The following TTC21B variants were observed in gnomAD, a reference collection of about 807,000 sequenced individuals.
TTC21B encodes the protein tetratricopeptide repeat domain 21B.
In TTC21B, 127 loss-of-function variants were observed where a neutral mutation model predicts 175.1. That is an observed-to-expected ratio of 0.73 (90% CI 0.63 to 0.84). The LOEUF (loss-of-function observed/expected upper bound fraction) is 0.84, where lower values mean the gene tolerates loss of function less well. Ranked by LOEUF, TTC21B falls within the 40% of genes least tolerant of loss-of-function variation. The pLI is 0.00. For missense variants in TTC21B, 1,561 were observed against 1,558.3 expected, an observed-to-expected ratio of 1.00 and a Z score of -0.03; for synonymous variants, 524 against 524.5, an observed-to-expected ratio of 1.00 and a Z score of 0.01.
At chr2:165,918,945 C>T (rs964977222) in intron 13 of TTC21B, among the ~76,000 whole-genome samples, 1 of 152,070 alleles carries the variant, frequency 6.6e-6, no homozygotes, top group African/African-American at 2.4e-5. Flanking sequence ...ACATAAGGAT[C>T]ATCATTTTTA....
rs111971431 is a variant in TTC21B at position 165,901,966 on chromosome 2, G to A, written c.2569-56C>T. On this transcript the variant is annotated intron_variant, in intron 19 of 28. Coordinates refer to ENST00000243344, the MANE Select transcript of TTC21B (RefSeq NM_024753.5). Reference sequence around the variant, plus strand: ...AAAAAAAAAGGAAATTAAATTCTCCGTAACTCACACACAGCATAATTTTAC... The same window carrying A: ...AAAAAAAAAGGAAATTAAATTCTCCATAACTCACACACAGCATAATTTTAC... 3,655 of 1,406,530 alleles carry A rather than the reference G, an allele frequency of 2.6e-3. 83 individuals are homozygous for A. In the African/African-American group the frequency reaches 0.044, roughly 17 times the overall value. The allele number at this position is 1,406,530 out of a possible 1,614,324, so 87.1% of individuals were successfully genotyped here. A position where few individuals can be genotyped will look rare whatever the true frequency, so the allele number is the denominator to read the frequency against.
intron 6 of TTC21B, among the ~76,000 whole-genome samples, chr2:165,934,515 A>AG (rs1559069648): frequency 1.4e-5 from 2 of 147,388 alleles, no homozygotes; most frequent in African/African-American, 4.9e-5. Context: ...AAAAAAAAAA[A>AG]AAAAAAGAAA....
chr2:165,878,323 T>C lies in TTC21B; in HGVS notation c.3806-2091A>G, dbSNP rs118017501. Among the ~76,000 whole-genome samples the C allele has an allele frequency of 3.8e-3, 584 of 152,202 alleles. 10 individuals are homozygous for C. Among genetic ancestry groups the C allele is most frequent in the East Asian group, 0.031 (158 of 5,174 alleles). ...AGCTGCACTACACCTGCCAAACTTA[T>C]TAGAACTCAACTATATGCAATCAGG... On this transcript the variant is annotated intron_variant, in intron 27 of 28. Coordinates refer to ENST00000243344, the MANE Select transcript of TTC21B (RefSeq NM_024753.5).
Position 165,898,668 on chromosome 2 carries a change from C to T in TTC21B, c.2950+18G>A. ...GAGGGGTGACTGCACTCAAAAAATA[C>T]AATAAGTAGGTATTTACCTGGCTTA... On this transcript the variant is annotated intron_variant, in intron 22 of 28. Transcript: ENST00000243344. The T allele has an allele frequency of 1.3e-6, 2 of 1,556,478 alleles. No homozygotes were observed. Among genetic ancestry groups the T allele is most frequent in the Non-Finnish European group, 1.8e-6 (2 of 1,127,484 alleles).
chr2:165,880,677 A>AC lies in TTC21B; in HGVS notation c.3805+1dup. ...AAAAATCTAGGTGATTGCCAAACTC[A>AC]CCTACTGCCGGATTTGTCCGATTGC... On this transcript the variant is annotated splice_donor_variant, in intron 27 of 28. Coordinates refer to ENST00000243344, the MANE Select transcript of TTC21B (RefSeq NM_024753.5). LOFTEE classifies it high-confidence loss of function. 6.2e-7 allele frequency: 1 copy of AC among 1,613,522 alleles called. No individual in the cohort carries two copies. The highest frequency in any genetic ancestry group is 8.5e-7 in the Non-Finnish European group (1 of 1,179,726).
chr2:165,948,621 G>A (rs933882590), intron 3 of TTC21B: 12 of 152,164 alleles, frequency 7.9e-5, no homozygotes, highest in African/African-American at 2.9e-4. Context: ...ATTTATGGAA[G>A]AATATAACAC....
chr2:165,874,643 G>T lies in TTC21B; in HGVS notation c.*112C>A. 1 of 921,576 alleles carries T rather than the reference G, an allele frequency of 1.1e-6. No homozygotes were observed. Among genetic ancestry groups the T allele is most frequent in the Non-Finnish European group, 1.8e-6 (1 of 570,376 alleles). The allele number at this position is 921,576 out of a possible 1,614,324, so 57.1% of individuals were successfully genotyped here. The stretch of plus-strand genomic sequence containing the variant: ...GCAGCAACCTCTGCTGGAGAAAAAA[G>T]GGTATACTTCTAATAACAAAGCACT... On this transcript the variant is annotated 3_prime_UTR_variant, in exon 29 of 29. Transcript: ENST00000243344.
intron 25 of TTC21B, among the ~76,000 whole-genome samples, chr2:165,886,065 G>A (rs1373758903): frequency 6.6e-6 from 1 of 152,078 alleles, no homozygotes; most frequent in Non-Finnish European, 1.5e-5. Context: ...TGGTCCCTCT[G>A]AATGACAAAT....
intron 23 of TTC21B, 71 bp from the exon 24 acceptor site, chr2:165,890,711 T>A (rs1327248692): frequency 1.9e-6 from 3 of 1,559,166 alleles, no homozygotes; most frequent in Non-Finnish European, 2.6e-6. Flanking sequence ...TTATAATCTG[T>A]CTGGTAAATA....
At chr2:165,932,627 C>T (rs1015877343) in intron 7 of TTC21B, among the ~76,000 whole-genome samples, 1 of 151,644 alleles carries the variant, frequency 6.6e-6, no homozygotes, top group Non-Finnish European at 1.5e-5. Flanking sequence ...TGCATACATA[C>T]TTTCTCATAT....
At chr2:165,886,266 C>T (rs1684994754) in intron 25 of TTC21B, among the ~76,000 whole-genome samples, 1 of 152,162 alleles carries the variant, frequency 6.6e-6, no homozygotes, top group Non-Finnish European at 1.5e-5. Flanking sequence ...TCCCAACTCT[C>T]CTTATACTGT....
At chr2:165,914,785 G>A (rs552799874) in intron 15 of TTC21B, among the ~76,000 whole-genome samples, 82 of 151,250 alleles carry the variant, frequency 5.4e-4, no homozygotes, top group Non-Finnish European at 8.3e-4. Flanking sequence ...TAATCCACAC[G>A]TTAGCATGGT....
chr2:165,874,856 T>C (rs368228592), intron 28 of TTC21B, 24 bp from the exon 29 acceptor site: 55 of 1,603,168 alleles, frequency 3.4e-5, no homozygotes, highest in Non-Finnish European at 4.4e-5. Flanking sequence ...AAAGAACCCA[T>C]AAAAACTTGT....
intron 6 of TTC21B, among the ~76,000 whole-genome samples, chr2:165,934,959 C>T (rs1419052199): frequency 4.6e-5 from 7 of 152,100 alleles, no homozygotes; most frequent in Admixed American, 1.3e-4. Context: ...TGTGGCTAGC[C>T]AACACTTCCT....
At chr2:165,898,876 G>C in intron 21 of TTC21B, 109 bp from the exon 22 acceptor site, 1 of 730,740 alleles carries the variant, frequency 1.4e-6, no homozygotes, top group South Asian at 1.5e-5. Flanking sequence ...CATGAGGAGG[G>C]GGCAGCATTT....
Position 165,915,312 on chromosome 2 carries a change from A to T in TTC21B, c.2027T>A (p.Ile676Asn). The T allele has an allele frequency of 6.2e-7, 1 of 1,614,104 alleles. No homozygotes were observed. Among genetic ancestry groups the T allele is most frequent in the South Asian group, 1.1e-5 (1 of 91,090 alleles). The change falls in exon 15 of 29, where the codon ATC (isoleucine) becomes AAC (asparagine). Residue 676 changes from isoleucine to asparagine, a missense_variant. Physicochemically the swap from Ile to Asn is moderately radical, Grantham distance 149 (BLOSUM62 -3). Transcript: ENST00000243344. The part of the protein sequence containing the change: ...AQGDIERALS[I>N]LQNVTAEQPY... ...CTGTTCGGCTGTAACATTCTGAAGG[A>T]TGCTTAAAGCCCGTTCAATATCTCC...
chr2:165,917,397 G>T lies in TTC21B; in HGVS notation c.1759C>A (p.His587Asn). The change falls in exon 14 of 29, where the codon CAT becomes AAT. Residue 587 changes from histidine to asparagine, a missense_variant. Coordinates refer to ENST00000243344, the MANE Select transcript of TTC21B (RefSeq NM_024753.5). ...ATTCCTGGTAAACTCATTGCCATAT[G>T]CAGTGTTTTAATTGCGTCTGCTATT... is the stretch of plus-strand genomic sequence containing the variant. ...GEIADAIKTL[H>N]MAMSLPGMKR... The T allele has an allele frequency of 6.2e-7, 1 of 1,614,070 alleles. No homozygotes were observed. The highest frequency in any genetic ancestry group is 8.5e-7 in the Non-Finnish European group (1 of 1,179,992).
chr2:165,901,111 AG>A (rs1391569481), intron 20 of TTC21B, among the ~76,000 whole-genome samples: 1 of 151,984 alleles, frequency 6.6e-6, no homozygotes, highest in Non-Finnish European at 1.5e-5. Flanking sequence ...CATGCTGCCT[AG>A]GCTGGTCTTG....
intron 6 of TTC21B, among the ~76,000 whole-genome samples, chr2:165,939,774 C>T (rs543112936): frequency 6.6e-6 from 1 of 152,258 alleles, no homozygotes; most frequent in East Asian, 1.9e-4. Context: ...TGCCCTGAAA[C>T]CTTCTTTTTC....
Sources: allele counts gnomAD v4.1 joint callset (sites outside exome capture counted in the v4.1 genomes callset), GRCh38; gene constraint gnomAD v4.1.1; transcripts MANE v1.5; gene names NCBI Gene and HGNC (gene_info 2026-07-23, HGNC 2026-07-21).